The following ANKIB1 variants were observed in gnomAD, a reference collection of about 807,000 sequenced individuals.
ANKIB1 encodes ankyrin repeat and IBR domain containing 1.
Under a neutral mutation model 122.1 loss-of-function variants are expected in ANKIB1, and 43 were observed. The ratio of observed to expected loss-of-function variants is 0.35; its 90% CI spans 0.28 to 0.45. The LOEUF is 0.45. Among genes scored for constraint, ANKIB1 ranks in the 20% least tolerant of loss-of-function variants. The probability of loss-of-function intolerance (pLI) is 1.00; values close to 1 mark genes in which losing one functional copy is unlikely to be tolerated. For synonymous variants in ANKIB1, 390 were observed against 442.0 expected, an observed-to-expected ratio of 0.88 and a Z score of 1.48; for missense variants, 992 against 1,329.5, an observed-to-expected ratio of 0.75 and a Z score of 3.95.
chr7:92,268,050 A>G (rs1321889523), intron 1 of ANKIB1, among the ~76,000 whole-genome samples: 6 of 152,324 alleles, frequency 3.9e-5, no homozygotes, highest in South Asian at 2.1e-4. Context: ...AAACTTAACT[A>G]TGAGGAGAGG....
Position 92,296,761 on chromosome 7 carries a change from G to T in ANKIB1, c.188+1595G>T, listed in dbSNP as rs538267047. ...AGTATTTTACACAGAGTAAATAGAA[G>T]TTCTATAAAATCATTACACAAAGAA... On this transcript the variant is annotated intron_variant, in intron 2 of 19. Coordinates refer to ENST00000265742, the MANE Select transcript of ANKIB1 (RefSeq NM_019004.2). Among the ~76,000 whole-genome samples the T allele has an allele frequency of 2.0e-5, 3 of 152,142 alleles. No individual in the cohort carries two copies. In the South Asian group the frequency reaches 6.2e-4, roughly 32 times the overall value.
At chr7:92,271,460 C>A (rs1303436272) in intron 1 of ANKIB1, among the ~76,000 whole-genome samples, 1 of 152,076 alleles carries the variant, frequency 6.6e-6, no homozygotes, top group Non-Finnish European at 1.5e-5. Flanking sequence ...CCTTTCCATA[C>A]AAATTTTGGA....
At chr7:92,375,663 T>TA (rs1280570108) in intron 11 of ANKIB1, among the ~76,000 whole-genome samples, 1 of 152,198 alleles carries the variant, frequency 6.6e-6, no homozygotes, top group Non-Finnish European at 1.5e-5. Flanking sequence ...TCCATGAGGA[T>TA]AGGAATCAAC....
rs570526756 is a variant in ANKIB1 at position 92,341,911 on chromosome 7, C to T, written c.788-1113C>T. On this transcript the variant is annotated intron_variant, in intron 5 of 19. Coordinates refer to ENST00000265742, the MANE Select transcript of ANKIB1 (RefSeq NM_019004.2). ...ACAGTGGATTTATCAGGACTTAACC[C>T]CATCGTAAGTCAAGGAGCATCTATA... 6.0e-4 allele frequency among the ~76,000 whole-genome samples: 92 copies of T among 152,138 alleles called. 2 individuals are homozygous for T. The Middle Eastern group carries it at 0.024, about 39-fold the overall frequency.
At chr7:92,351,998 G>A (rs1382101316) in intron 8 of ANKIB1, among the ~76,000 whole-genome samples, 1 of 152,054 alleles carries the variant, frequency 6.6e-6, no homozygotes, top group African/African-American at 2.4e-5. Flanking sequence ...TAGGATTACA[G>A]GCGTGAGCCA....
chr7:92,334,374 C>T (rs1488967084), intron 5 of ANKIB1, among the ~76,000 whole-genome samples: 3 of 151,982 alleles, frequency 2.0e-5, no homozygotes, highest in African/African-American at 7.2e-5. Context: ...TACTATGTCC[C>T]ATTGCTAACA....
At chr7:92,316,806 T>G (rs1415880772) in intron 3 of ANKIB1, among the ~76,000 whole-genome samples, 3 of 152,324 alleles carry the variant, frequency 2.0e-5, no homozygotes, top group South Asian at 2.1e-4. Flanking sequence ...CTTACCAAGA[T>G]TCTGTTAGGG....
intron 7 of ANKIB1, among the ~76,000 whole-genome samples, chr7:92,348,215 T>C (rs1361560575): frequency 1.3e-5 from 2 of 152,178 alleles, no homozygotes; most frequent in Non-Finnish European, 2.9e-5. Flanking sequence ...ATTTAAAATA[T>C]GTAAAATTCA....
intron 11 of ANKIB1, among the ~76,000 whole-genome samples, chr7:92,380,161 T>C (rs537718594): frequency 1.3e-4 from 20 of 152,292 alleles, no homozygotes; most frequent in African/African-American, 4.8e-4. Flanking sequence ...GAGATCTAAC[T>C]GCGAGGCGGC....
At chr7:92,285,734 T>G (rs937339604) in intron 1 of ANKIB1, among the ~76,000 whole-genome samples, 1 of 152,228 alleles carries the variant, frequency 6.6e-6, no homozygotes, top group Non-Finnish European at 1.5e-5. Context: ...ATAGATGAGC[T>G]ATCATTTCAG....
chr7:92,316,232 G>A (rs940259360), intron 3 of ANKIB1, among the ~76,000 whole-genome samples: 1 of 152,130 alleles, frequency 6.6e-6, no homozygotes, highest in Non-Finnish European at 1.5e-5. Context: ...ACTTAGTTGA[G>A]ATGCTTTGGT....
chr7:92,385,613 G>C (rs1472273248), intron 11 of ANKIB1, among the ~76,000 whole-genome samples: 1 of 152,122 alleles, frequency 6.6e-6, no homozygotes, highest in Non-Finnish European at 1.5e-5. Context: ...CCATTATTCT[G>C]AGCAAACTAT....
chr7:92,370,283 C>T (rs961710651), intron 10 of ANKIB1, among the ~76,000 whole-genome samples: 1 of 151,488 alleles, frequency 6.6e-6, no homozygotes, highest in African/African-American at 2.4e-5. Context: ...CCGAGGCGGG[C>T]GGATCACGAG....
intron 4 of ANKIB1, chr7:92,320,036 G>C (rs887958382): frequency 6.6e-6 from 1 of 152,334 alleles, no homozygotes; most frequent in Non-Finnish European, 1.5e-5. Flanking sequence ...ATAAGGTGCT[G>C]ATGTGAGATA....
At chr7:92,272,319 T>C (rs923492750) in intron 1 of ANKIB1, among the ~76,000 whole-genome samples, 1 of 152,166 alleles carries the variant, frequency 6.6e-6, no homozygotes, top group Non-Finnish European at 1.5e-5. Context: ...CATTTAAATG[T>C]ATTGGGAATT....
intron 2 of ANKIB1, among the ~76,000 whole-genome samples, chr7:92,295,977 T>C (rs1802346765): frequency 6.6e-6 from 1 of 152,178 alleles, no homozygotes; most frequent in African/African-American, 2.4e-5. Flanking sequence ...AAAAAATGCT[T>C]ATTTTCTTAT....
Position 92,303,612 on chromosome 7 carries a change from A to G in ANKIB1, c.189-3747A>G, listed in dbSNP as rs1370227487. ...TGCTTCCAGTAACGGGGTAGGAAGT[A>G]GAGCCATCATCATGGGTAAAAGAGA... On this transcript the variant is annotated intron_variant, in intron 2 of 19. Transcript: ENST00000265742. 8.5e-5 allele frequency among the ~76,000 whole-genome samples: 13 copies of G among 152,324 alleles called. 1 individual carries two copies. The highest frequency in any genetic ancestry group is 2.6e-4 in the African/African-American group (11 of 41,586).
chr7:92,281,489 A>G (rs886679707), intron 1 of ANKIB1, among the ~76,000 whole-genome samples: 1 of 152,222 alleles, frequency 6.6e-6, no homozygotes, highest in Non-Finnish European at 1.5e-5. Context: ...ACTCTTTTCC[A>G]TATAATAAAG....
chr7:92,370,121 A>G (rs919164533), intron 10 of ANKIB1, among the ~76,000 whole-genome samples: 1 of 152,142 alleles, frequency 6.6e-6, no homozygotes, highest in Admixed American at 6.5e-5. Context: ...CTTGTAGTCA[A>G]TGGGGAGCAA....
Sources: allele counts gnomAD v4.1 joint callset (sites outside exome capture counted in the v4.1 genomes callset), GRCh38; gene constraint gnomAD v4.1.1; transcripts MANE v1.5; gene names NCBI Gene and HGNC (gene_info 2026-07-23, HGNC 2026-07-21).